The following CDH12 variants were observed in gnomAD, a reference collection of about 807,000 sequenced individuals.
CDH12 encodes the protein cadherin-12.
In CDH12, 41 loss-of-function variants were observed where a neutral mutation model predicts 74.1. That is an observed-to-expected ratio of 0.55 (90% CI 0.43 to 0.72). The LOEUF (loss-of-function observed/expected upper bound fraction) is 0.72, where lower values mean the gene tolerates loss of function less well. Among genes scored for constraint, CDH12 ranks in the 30% least tolerant of loss-of-function variants. The pLI is 0.00. For synonymous variants in CDH12, 399 were observed against 355.0 expected (o/e 1.12, Z -1.39); for missense variants, 945 against 977.2 (o/e 0.97, Z 0.44).
At chr5:22,494,727 C>T (rs1265165083) in intron 2 of CDH12, among the ~76,000 whole-genome samples, 1 of 152,120 alleles carries the variant, frequency 6.6e-6, no homozygotes, top group African/African-American at 2.4e-5. Flanking sequence ...GGGGCAGTGG[C>T]TCTAATAAAA....
At chr5:22,826,843 G>T (rs541404666) in intron 1 of CDH12, among the ~76,000 whole-genome samples, 1 of 152,252 alleles carries the variant, frequency 6.6e-6, no homozygotes, top group Admixed American at 6.5e-5. Context: ...AAGGCATTCT[G>T]TTTTATAAGG....
chr5:22,153,893 T>TAC (rs1747809064), intron 4 of CDH12, among the ~76,000 whole-genome samples: 1 of 53,422 alleles, frequency 1.9e-5, no homozygotes, highest in Non-Finnish European at 4.2e-5. Flanking sequence ...TATATAAATA[T>TAC]ATATATATAT....
At chr5:22,756,702 C>T (rs1470826334) in intron 1 of CDH12, among the ~76,000 whole-genome samples, 3 of 152,118 alleles carry the variant, frequency 2.0e-5, no homozygotes, top group Non-Finnish European at 4.4e-5. Context: ...TGGCTCACAC[C>T]TGTAATCCCA....
chr5:21,877,619 T>A (rs1325600192), intron 6 of CDH12, among the ~76,000 whole-genome samples: 1 of 152,228 alleles, frequency 6.6e-6, no homozygotes, highest in Non-Finnish European at 1.5e-5. Context: ...ATAGTTACAA[T>A]ATCGATATCC....
At chr5:22,231,428 T>C (rs1468485621) in intron 3 of CDH12, among the ~76,000 whole-genome samples, 1 of 152,054 alleles carries the variant, frequency 6.6e-6, no homozygotes, top group East Asian at 1.9e-4. Context: ...CAACACACTG[T>C]TCATTAGGGG....
Position 21,802,317 on chromosome 5 carries a change from G to A in CDH12, c.1106C>T (p.Ala369Val). The change falls in exon 10 of 15, where the codon GCT (alanine) becomes GTT (valine). Residue 369 changes from alanine to valine, a missense_variant. Ala to Val is a moderately conservative substitution (Grantham distance 64). Coordinates refer to ENST00000382254, the MANE Select transcript of CDH12 (RefSeq NM_004061.5). ...GTCCAGCACGCTGATCTTCACCGTA[G>A]CTGTGTCTTTGAAAGGGCCCGCCGA... ...FHSAGPFKDT[A>V]TVKISVLDVD... is the part of the protein sequence containing the mutation. 1 of 1,613,874 alleles carries A rather than the reference G, an allele frequency of 6.2e-7. No homozygotes were observed. Among genetic ancestry groups the A allele is most frequent in the Admixed American group, 1.7e-5 (1 of 59,984 alleles).
At chr5:22,466,348 A>G (rs370851657) in intron 2 of CDH12, among the ~76,000 whole-genome samples, 1 of 152,160 alleles carries the variant, frequency 6.6e-6, no homozygotes, top group African/African-American at 2.4e-5. Flanking sequence ...TGGGGCACAT[A>G]TGTTTATGGG....
chr5:22,028,468 C>G (rs570593953), intron 5 of CDH12, among the ~76,000 whole-genome samples: 1 of 152,092 alleles, frequency 6.6e-6, no homozygotes. Flanking sequence ...ACACCAATAA[C>G]GGACAAACAG....
At chr5:21,918,263 A>G (rs536018583) in intron 6 of CDH12, among the ~76,000 whole-genome samples, 1 of 152,132 alleles carries the variant, frequency 6.6e-6, no homozygotes, top group Non-Finnish European at 1.5e-5. Context: ...CCAGTTTCCA[A>G]TATGCATTTA....
intron 3 of CDH12, among the ~76,000 whole-genome samples, chr5:22,242,848 A>G (rs1449233989): frequency 6.6e-6 from 1 of 152,158 alleles, no homozygotes; most frequent in Non-Finnish European, 1.5e-5. Flanking sequence ...CTGCAGGACC[A>G]TTCAACTGAG....
At chr5:21,839,339 T>C (rs1034655732) in intron 8 of CDH12, among the ~76,000 whole-genome samples, 1 of 152,186 alleles carries the variant, frequency 6.6e-6, no homozygotes, top group Non-Finnish European at 1.5e-5. Flanking sequence ...ATTTGTCAGA[T>C]ACATTTATAT....
chr5:22,778,114 A>AT (rs367585244), intron 1 of CDH12, among the ~76,000 whole-genome samples: 3 of 151,972 alleles, frequency 2.0e-5, no homozygotes, highest in Non-Finnish European at 2.9e-5. Context: ...CAGATATTAC[A>AT]TTTTTTTGTT....
chr5:21,982,916 AT>A (rs202105009), intron 5 of CDH12, among the ~76,000 whole-genome samples: 4,761 of 151,738 alleles, frequency 0.031, 235 homozygotes, highest in African/African-American at 0.11. Flanking sequence ...TTATTTATGT[AT>A]TTTTTTAATA....
intron 6 of CDH12, among the ~76,000 whole-genome samples, chr5:21,965,492 T>C (rs1271147832): frequency 6.6e-6 from 1 of 152,082 alleles, no homozygotes; most frequent in Admixed American, 6.6e-5. Flanking sequence ...GTTGACAGTT[T>C]AATTGACATA....
intron 1 of CDH12, among the ~76,000 whole-genome samples, chr5:22,784,586 G>A (rs1394112940): frequency 5.3e-5 from 8 of 151,958 alleles, no homozygotes; most frequent in Admixed American, 5.2e-4. Flanking sequence ...TAGTTAAAAC[G>A]ATCATGGCTT....
chr5:22,758,538 T>A (rs1403040277), intron 1 of CDH12, among the ~76,000 whole-genome samples: 3 of 127,124 alleles, frequency 2.4e-5, no homozygotes, highest in Non-Finnish European at 5.6e-5. Context: ...GATTTATAGT[T>A]TTTTTTTTTT....
chr5:22,813,263 G>A (rs1749234784), intron 1 of CDH12, among the ~76,000 whole-genome samples: 1 of 152,120 alleles, frequency 6.6e-6, no homozygotes, highest in African/African-American at 2.4e-5. Flanking sequence ...GTAGTATCTT[G>A]GACAGATTCC....
chr5:22,442,479 C>T (rs1208811055), intron 2 of CDH12, among the ~76,000 whole-genome samples: 1 of 152,100 alleles, frequency 6.6e-6, no homozygotes, highest in Non-Finnish European at 1.5e-5. Context: ...GTCTCATTTC[C>T]ATGCTATGTT....
chr5:22,608,343 G>T (rs1425978326), intron 1 of CDH12, among the ~76,000 whole-genome samples: 1 of 152,192 alleles, frequency 6.6e-6, no homozygotes, highest in Non-Finnish European at 1.5e-5. Context: ...TTGGACTTCA[G>T]AATTGGATGG....
Sources: allele counts gnomAD v4.1 joint callset (sites outside exome capture counted in the v4.1 genomes callset), GRCh38; gene constraint gnomAD v4.1.1; transcripts MANE v1.5; gene names NCBI Gene and HGNC (gene_info 2026-07-23, HGNC 2026-07-21).